EPC1: variants seen among roughly 807,000 people sequenced by gnomAD.
EPC1 encodes enhancer of polycomb homolog 1.
Under a neutral mutation model 98.4 loss-of-function variants are expected in EPC1, and 12 were observed. That is an observed-to-expected ratio of 0.12 (90% confidence interval 0.08 to 0.20). The LOEUF (loss-of-function observed/expected upper bound fraction) is 0.20. Among genes scored for constraint, EPC1 ranks in the 10% least tolerant of loss-of-function variants. The pLI is 1.00. For missense variants in EPC1, 729 were observed against 990.5 expected, an observed-to-expected ratio of 0.74 and a Z score of 3.54; for synonymous variants, 357 against 363.9, an observed-to-expected ratio of 0.98 and a Z score of 0.21.
chr10:32,317,987 G>C (rs775480692), intron 1 of EPC1, among the ~76,000 whole-genome samples: 7 of 152,152 alleles, frequency 4.6e-5, no homozygotes, highest in Non-Finnish European at 7.3e-5. Flanking sequence ...AGGTGGCCCA[G>C]ACATGAAGTT....
At chr10:32,313,879 C>CT (rs1836399660) in intron 1 of EPC1, among the ~76,000 whole-genome samples, 1 of 151,744 alleles carries the variant, frequency 6.6e-6, no homozygotes, top group African/African-American at 2.4e-5. Flanking sequence ...CAGCGAGACT[C>CT]TGTCTCCAAA....
chr10:32,365,869 C>T (rs1167488076), intron 1 of EPC1, among the ~76,000 whole-genome samples: 1 of 118,928 alleles, frequency 8.4e-6, no homozygotes, highest in Non-Finnish European at 1.7e-5. Flanking sequence ...TGCAATGGCT[C>T]AAACATGTAA....
chr10:32,269,293 A>G (rs1033226423), intron 13 of EPC1, 158 bp from the exon 14 acceptor site: 2 of 569,952 alleles, frequency 3.5e-6, no homozygotes, highest in Non-Finnish European at 6.2e-6. Context: ...TTTATAGTTT[A>G]TTATCAGAAA....
chr10:32,276,318 C>G (rs1364013467), intron 10 of EPC1, among the ~76,000 whole-genome samples: 1 of 152,334 alleles, frequency 6.6e-6, no homozygotes, highest in East Asian at 1.9e-4. Flanking sequence ...TGAGACCACC[C>G]TGACCAACAT....
intron 1 of EPC1, among the ~76,000 whole-genome samples, chr10:32,366,603 C>G (rs1218423795): frequency 9.6e-6 from 1 of 104,508 alleles, no homozygotes; most frequent in African/African-American, 3.2e-5. Flanking sequence ...TAAGAATAGT[C>G]TGCCATCAAT....
At position 32,318,431 on chromosome 10, in the gene EPC1, C is replaced by T. The variant is rs76567888; in HGVS notation, c.154-12500G>A. Among the ~76,000 whole-genome samples the T allele has an allele frequency of 9.6e-3, 1,455 of 152,258 alleles. 19 individuals are homozygous for T. The highest frequency in any genetic ancestry group is 0.032 in the African/African-American group (1,349 of 41,528). ...GCTTAGTCCTTAGCCCTTGTATATACGCACCCTTGCAATTTCATCCAGTAT... is the reference window on the plus strand; with the variant it reads ...GCTTAGTCCTTAGCCCTTGTATATATGCACCCTTGCAATTTCATCCAGTAT... On this transcript the variant is annotated intron_variant, in intron 1 of 13. Transcript: ENST00000319778.
chr10:32,347,454 C>T (rs1304458348), upstream of EPC1: 1 of 156,140 alleles, frequency 6.4e-6, no homozygotes, highest in East Asian at 1.9e-4. Flanking sequence ...CTCCCGGCGC[C>T]GCTTTCTGAC....
chr10:32,291,237 TG>T lies in EPC1; in HGVS notation c.900del (p.Ile301SerfsTer18). Reference sequence around the variant, plus strand: ...TGACTGCTATTAGTAATAGGGATGATGGGGATGGCATAAGTAGGTTTCATTG... The same window carrying T: ...TGACTGCTATTAGTAATAGGGATGATGGGATGGCATAAGTAGGTTTCATTG... ...RQPMKPTYAI[P>X]IIPITNSSQF... On this transcript the variant is annotated frameshift_variant, in exon 6 of 14. Coordinates refer to ENST00000319778, the MANE Select transcript of EPC1 (RefSeq NM_001272004.3). LOFTEE classifies it high-confidence loss of function. 6.2e-7 allele frequency: 1 copy of T among 1,614,072 alleles called. No individual in the cohort carries two copies.
chr10:32,349,906 C>T (rs1380690718), upstream of EPC1, among the ~76,000 whole-genome samples: 1 of 152,182 alleles, frequency 6.6e-6, no homozygotes, highest in Non-Finnish European at 1.5e-5. Flanking sequence ...GGACCCATGC[C>T]TCTTTTTTAT....
At chr10:32,315,217 A>G (rs1427984723) in intron 1 of EPC1, among the ~76,000 whole-genome samples, 1 of 152,192 alleles carries the variant, frequency 6.6e-6, no homozygotes, top group African/African-American at 2.4e-5. Flanking sequence ...GGCTTACTGT[A>G]GGCGCTCAGT....
chr10:32,299,720 C>T (rs1253136886), intron 2 of EPC1, among the ~76,000 whole-genome samples: 1 of 152,080 alleles, frequency 6.6e-6, no homozygotes, highest in African/African-American at 2.4e-5. Flanking sequence ...TTCATCTGTT[C>T]CTCATAAGTA....
intron 1 of EPC1, among the ~76,000 whole-genome samples, chr10:32,333,388 T>C (rs534574658): frequency 8.5e-5 from 13 of 152,262 alleles, no homozygotes; most frequent in African/African-American, 2.9e-4. Flanking sequence ...TTTTATGTAA[T>C]GAACTGAGTG....
chr10:32,278,405 G>A (rs1281206676), intron 10 of EPC1, among the ~76,000 whole-genome samples: 5 of 118,200 alleles, frequency 4.2e-5, no homozygotes, highest in African/African-American at 9.7e-5. Context: ...TTTTTGAGAC[G>A]GAGTCTCGCT....
In EPC1 at chr10:32,293,014, G is replaced by T; in HGVS notation, c.640C>A (p.Arg214Ser). 1.3e-6 allele frequency: 2 copies of T among 1,587,894 alleles called. No individual in the cohort carries two copies. Among genetic ancestry groups the T allele is most frequent in the Non-Finnish European group, 8.6e-7 (1 of 1,166,966 alleles). ...TNDPYVAFRR[R>S]TEKMQTRKNR... is the part of the protein sequence containing the mutation. The stretch of plus-strand genomic sequence containing the variant: ...TTTCGAGTCTGCATTTTTTCAGTAC[G>T]CCTTCTAAAAGCCACATAAGGATCA... Residue 214 changes from arginine (R) to serine (S), a missense_variant, in exon 4 of 14, where the codon CGT becomes AGT. This residue lies in a region of EPC1 where 39 missense variants were observed against 94.9 expected (regional missense o/e 0.41). Coordinates refer to ENST00000319778, the MANE Select transcript of EPC1 (RefSeq NM_001272004.3).
intron 6 of EPC1, among the ~76,000 whole-genome samples, chr10:32,290,064 TTCTTCACAAA>T (rs1409902148): frequency 2.0e-5 from 3 of 152,254 alleles, no homozygotes; most frequent in Non-Finnish European, 4.4e-5. Flanking sequence ...ACAAATTTTA[TTCTTCACAAA>T]TTGTGACTTA....
At chr10:32,288,312 CTTTTTT>C (rs5784278) in intron 6 of EPC1, among the ~76,000 whole-genome samples, 30 of 124,092 alleles carry the variant, frequency 2.4e-4, no homozygotes, top group Non-Finnish European at 3.1e-4. Flanking sequence ...TTACTTTTTT[CTTTTTT>C]TTTTTTTTTT....
chr10:32,355,454 A>G (rs1296918248), intron 1 of EPC1, among the ~76,000 whole-genome samples: 4 of 152,184 alleles, frequency 2.6e-5, no homozygotes, highest in African/African-American at 9.7e-5. Flanking sequence ...GGTGGTATTT[A>G]TCTAAACTGG....
chr10:32,294,367 C>A (rs1438755759), intron 2 of EPC1, among the ~76,000 whole-genome samples: 1 of 152,156 alleles, frequency 6.6e-6, no homozygotes, highest in Non-Finnish European at 1.5e-5. Flanking sequence ...ACACAAAATT[C>A]ATTTTTTTCA....
At chr10:32,339,755 A>G (rs1285574129) in intron 1 of EPC1, among the ~76,000 whole-genome samples, 1 of 152,222 alleles carries the variant, frequency 6.6e-6, no homozygotes, top group Non-Finnish European at 1.5e-5. Context: ...TCATCTGTAC[A>G]TGATTTTTCA....
Sources: allele counts gnomAD v4.1 joint callset (sites outside exome capture counted in the v4.1 genomes callset), GRCh38; gene constraint gnomAD v4.1.1; regional missense constraint gnomAD v4.1.1; transcripts MANE v1.5; gene names NCBI Gene and HGNC (gene_info 2026-07-23, HGNC 2026-07-21).